Variants in PCDH15 observed in about 807,000 individuals in gnomAD.
The protein encoded by PCDH15 is protocadherin related 15, also known as protocadherin-15.
In PCDH15, 129 loss-of-function variants were observed where a neutral mutation model predicts 178.5. The observed-to-expected ratio is 0.72, with a 90% confidence interval of 0.63 to 0.84. PCDH15 has a LOEUF of 0.84. Ranked by LOEUF, PCDH15 falls within the 40% of genes least tolerant of loss-of-function variation. PCDH15 has a pLI of 0.00. For synonymous variants in PCDH15, 800 were observed against 732.0 expected (o/e 1.09, Z -1.50); for missense variants, 2,230 against 2,099.9 (o/e 1.06, Z -1.21).
chr10:53,806,932 T>TTAAG lies in PCDH15; in HGVS notation c.4866_4869dup (p.Lys1624LeufsTer14), dbSNP rs757520086. The TTAAG allele has an allele frequency of 5.6e-6, 9 of 1,613,720 alleles. No homozygotes were observed. The highest frequency in any genetic ancestry group is 1.3e-5 in the African/African-American group (1 of 74,890). On this transcript the variant is annotated frameshift_variant, in exon 38 of 38. Coordinates refer to ENST00000644397, the MANE Select transcript of PCDH15 (RefSeq NM_001384140.1). LOFTEE classifies it high-confidence loss of function. ...CCCAGTCGAACAGGGGAAGCAACTT[T>TTAAG]TAAGTTGTCCGTGAGGCAGGCACGG... is the stretch of plus-strand genomic sequence containing the variant.
intron 2 of PCDH15, among the ~76,000 whole-genome samples, chr10:55,413,556 T>A (rs1203145814): frequency 6.6e-6 from 1 of 151,166 alleles, no homozygotes; most frequent in African/African-American, 2.4e-5. Context: ...TATTTGGATT[T>A]ATATATCTAT....
At chr10:55,113,625 T>C (rs1390849346) in intron 2 of PCDH15, among the ~76,000 whole-genome samples, 1 of 152,200 alleles carries the variant, frequency 6.6e-6, no homozygotes, top group African/African-American at 2.4e-5. Flanking sequence ...GGAGACTCCT[T>C]ATACTGTGTT....
At chr10:55,438,155 G>C (rs937675180) in intron 2 of PCDH15, among the ~76,000 whole-genome samples, 1 of 150,892 alleles carries the variant, frequency 6.6e-6, no homozygotes, top group Non-Finnish European at 1.5e-5. Context: ...ATTTCTAAGT[G>C]ACTATATTTA....
At chr10:55,423,000 C>A (rs971952014) in intron 2 of PCDH15, among the ~76,000 whole-genome samples, 10 of 151,752 alleles carry the variant, frequency 6.6e-5, no homozygotes, top group African/African-American at 2.4e-4. Context: ...ATTTAGAGTA[C>A]AATGTACATA....
At chr10:54,647,237 T>A (rs1250628453) in intron 2 of PCDH15, among the ~76,000 whole-genome samples, 1 of 152,006 alleles carries the variant, frequency 6.6e-6, no homozygotes, top group Non-Finnish European at 1.5e-5. Flanking sequence ...AATAAGCCAG[T>A]CACAGAGAAC....
At chr10:55,317,459 G>T (rs16907252) in intron 1 of PCDH15, among the ~76,000 whole-genome samples, 1,911 of 150,370 alleles carry the variant, frequency 0.013, 33 homozygotes, top group African/African-American at 0.045. Context: ...TCCAGGATAT[G>T]CAAGAGAGGC....
At chr10:55,541,277 A>ATT (rs1841754009) in intron 2 of PCDH15, among the ~76,000 whole-genome samples, 1 of 152,014 alleles carries the variant, frequency 6.6e-6, no homozygotes, top group Non-Finnish European at 1.5e-5. Flanking sequence ...TAAAAGATCT[A>ATT]GGTATGTTGA....
intron 3 of PCDH15, among the ~76,000 whole-genome samples, chr10:54,408,293 A>G (rs998267786): frequency 2.6e-5 from 4 of 152,112 alleles, no homozygotes; most frequent in Admixed American, 2.0e-4. Context: ...TAAAAGTACT[A>G]TCTTTGAAAT....
In PCDH15 at chr10:53,893,274, T is replaced by C. The variant is rs576742204; in HGVS notation, c.3501+9969A>G. Among the ~76,000 whole-genome samples, 8 of 152,320 alleles carry C rather than the reference T, an allele frequency of 5.3e-5. No individual in the cohort carries two copies. The East Asian group carries it at 1.5e-3, about 29-fold the overall frequency. On this transcript the variant is annotated intron_variant, in intron 26 of 37. Coordinates refer to ENST00000644397, the MANE Select transcript of PCDH15 (RefSeq NM_001384140.1). The stretch of plus-strand genomic sequence containing the variant: ...TAACATTCATAAAGCTGTCATCAAG[T>C]CTGAGTTTCTAATTTGGCAAGAAGT...
chr10:53,852,943 C>T (rs1253687457), intron 28 of PCDH15, among the ~76,000 whole-genome samples: 8 of 151,988 alleles, frequency 5.3e-5, no homozygotes, highest in Non-Finnish European at 1.0e-4. Flanking sequence ...TTTGGCACCC[C>T]GATGGCTACC....
intron 3 of PCDH15, among the ~76,000 whole-genome samples, chr10:54,888,498 G>A (rs1233830894): frequency 6.6e-6 from 1 of 151,824 alleles, no homozygotes; most frequent in Non-Finnish European, 1.5e-5. Context: ...TCAAACTAGT[G>A]TGAACATTCA....
chr10:54,595,404 T>C (rs1428130408), intron 2 of PCDH15, among the ~76,000 whole-genome samples: 3 of 151,920 alleles, frequency 2.0e-5, no homozygotes, highest in Non-Finnish European at 2.9e-5. Context: ...TATACCATAA[T>C]CAAACCCTCA....
At chr10:54,063,827 C>A in intron 18 of PCDH15, among the ~76,000 whole-genome samples, 1 of 152,176 alleles carries the variant, frequency 6.6e-6, no homozygotes, top group East Asian at 1.9e-4. Flanking sequence ...CGCCCTCTCC[C>A]AGCAAACCTT....
chr10:54,412,008 T>C (rs1359787823), intron 3 of PCDH15, among the ~76,000 whole-genome samples: 1 of 152,042 alleles, frequency 6.6e-6, no homozygotes, highest in Non-Finnish European at 1.5e-5. Flanking sequence ...CTACTTAGGG[T>C]GACCTGTGCA....
At chr10:55,183,065 T>A (rs1373679181) in intron 1 of PCDH15, among the ~76,000 whole-genome samples, 4 of 151,922 alleles carry the variant, frequency 2.6e-5, no homozygotes, top group African/African-American at 9.7e-5. Flanking sequence ...AAATCCATTA[T>A]GAGATATAGA....
At chr10:54,515,699 C>CCG (rs1423440792) in intron 3 of PCDH15, among the ~76,000 whole-genome samples, 10 of 152,356 alleles carry the variant, frequency 6.6e-5, no homozygotes, top group African/African-American at 2.4e-4. Context: ...GGGTCCCTGA[C>CCG]CTGCGAGCAG....
intron 1 of PCDH15, among the ~76,000 whole-genome samples, chr10:55,257,285 G>A (rs1466656269): frequency 6.6e-6 from 1 of 152,108 alleles, no homozygotes; most frequent in Non-Finnish European, 1.5e-5. Flanking sequence ...AAAAACAGCA[G>A]AAAAAGTGGA....
chr10:55,184,181 G>A (rs1414893365), intron 1 of PCDH15, among the ~76,000 whole-genome samples: 1 of 151,926 alleles, frequency 6.6e-6, no homozygotes, highest in Non-Finnish European at 1.5e-5. Flanking sequence ...TGCATCCTCA[G>A]CTTGTGAAAT....
chr10:55,382,997 A>C (rs143834838), intron 2 of PCDH15, among the ~76,000 whole-genome samples: 17 of 152,300 alleles, frequency 1.1e-4, no homozygotes, highest in Non-Finnish European at 2.2e-4. Flanking sequence ...CAGTGGAGTC[A>C]GGGTGACAGC....
Sources: gnomAD v4.1 joint callset for allele counts (sites outside exome capture counted in the v4.1 genomes callset) on GRCh38, gnomAD v4.1.1 for gene constraint, MANE v1.5 for transcripts, NCBI Gene and HGNC (gene_info 2026-07-23, HGNC 2026-07-21) for gene names.